Variants in MAGI1 observed in about 807,000 individuals in gnomAD.
The protein encoded by MAGI1 is membrane associated guanylate kinase, WW and PDZ domain containing 1, also known as membrane-associated guanylate kinase, WW and PDZ domain-containing protein 1.
In MAGI1, 58 loss-of-function variants were observed where a neutral mutation model predicts 139.9. The ratio of observed to expected loss-of-function variants is 0.41; its 90% CI spans 0.34 to 0.52. MAGI1 has a LOEUF of 0.52. Ranked by LOEUF, MAGI1 falls within the 20% of genes least tolerant of loss-of-function variation. MAGI1 has a pLI of 0.12. For missense variants in MAGI1, 1,874 were observed against 1,901.6 expected (o/e 0.99, Z 0.27); for synonymous variants, 812 against 737.9 (o/e 1.10, Z -1.63).
intron 2 of MAGI1, among the ~76,000 whole-genome samples, chr3:65,606,542 G>A (rs1017668171): frequency 4.6e-5 from 7 of 151,816 alleles, no homozygotes; most frequent in African/African-American, 1.5e-4. Context: ...TTTTGAGATC[G>A]AATCTTGCTC....
At chr3:65,542,042 C>G (rs888308621) in intron 2 of MAGI1, among the ~76,000 whole-genome samples, 4 of 152,198 alleles carry the variant, frequency 2.6e-5, no homozygotes, top group Non-Finnish European at 5.9e-5. Context: ...AGCCCAAAAT[C>G]TCCTTAAGCT....
At chr3:65,561,170 C>T (rs1317875802) in intron 2 of MAGI1, among the ~76,000 whole-genome samples, 1 of 152,170 alleles carries the variant, frequency 6.6e-6, no homozygotes, top group African/African-American at 2.4e-5. Context: ...GCTAGGAAAA[C>T]TTGGAAATGT....
Position 65,688,090 on chromosome 3 carries a change from T to C in MAGI1, c.314-66002A>G. 5.2e-6 allele frequency: 4 copies of C among 762,492 alleles called. No homozygotes were observed. The South Asian group carries it at 5.4e-5, about 10-fold the overall frequency. 47.2% of individuals were successfully genotyped at this position (762,492 alleles called of 1,614,324 possible). A position where few individuals can be genotyped will look rare whatever the true frequency, so the allele number is the denominator to read the frequency against. ...AACCCCAACAGACAGCCTTTGGCCC[T>C]GAACACTGCACATAGGTGTTGCTTG... On this transcript the variant is annotated intron_variant, in intron 1 of 22. Coordinates refer to ENST00000402939, the MANE Select transcript of MAGI1 (RefSeq NM_001033057.2).
chr3:65,973,237 C>T (rs1035227817), intron 1 of MAGI1, among the ~76,000 whole-genome samples: 1 of 152,174 alleles, frequency 6.6e-6, no homozygotes, highest in Non-Finnish European at 1.5e-5. Flanking sequence ...CCCCTATTCT[C>T]ACTCATCTCA....
Position 65,979,088 on chromosome 3 carries a change from T to TCCTC in MAGI1, c.313+58907_313+58908insGAGG, listed in dbSNP as rs1553742242. The stretch of plus-strand genomic sequence containing the variant: ...AACAGCCAAAGTTTTTTTCTTTTCT[T>TCCTC]CCCCCCCCCCGCCACCCCCCACAGC... On this transcript the variant is annotated intron_variant, in intron 1 of 22. Transcript: ENST00000402939. Among the ~76,000 whole-genome samples, 29 of 52,988 alleles carry TCCTC rather than the reference T, an allele frequency of 5.5e-4. 1 individual carries two copies. Among genetic ancestry groups the TCCTC allele is most frequent in the East Asian group, 2.0e-3 (3 of 1,494 alleles). The allele number at this position is 52,988 out of a possible 152,430, so 34.8% of individuals were successfully genotyped here. A position where few individuals can be genotyped will look rare whatever the true frequency, so the allele number is the denominator to read the frequency against.
intron 1 of MAGI1, among the ~76,000 whole-genome samples, chr3:65,803,007 G>T (rs766188130): frequency 3.9e-5 from 6 of 152,036 alleles, no homozygotes; most frequent in Admixed American, 2.6e-4. Context: ...AAGAGAGAGA[G>T]AGGACATTAC....
chr3:65,670,532 T>C (rs1442988744), intron 1 of MAGI1, among the ~76,000 whole-genome samples: 2 of 152,182 alleles, frequency 1.3e-5, no homozygotes, highest in African/African-American at 2.4e-5. Context: ...ACCATCAATA[T>C]GTCTGACATA....
intron 1 of MAGI1, among the ~76,000 whole-genome samples, chr3:65,710,763 A>G (rs1349232023): frequency 6.6e-6 from 1 of 152,226 alleles, no homozygotes; most frequent in Non-Finnish European, 1.5e-5. Context: ...AGGTAGAAGC[A>G]AAACTTGAAC....
intron 1 of MAGI1, among the ~76,000 whole-genome samples, chr3:65,825,527 G>C (rs1293178506): frequency 6.6e-6 from 1 of 152,094 alleles, no homozygotes; most frequent in South Asian, 2.1e-4. Flanking sequence ...AGAGTCAGTA[G>C]TTAAATACTT....
At position 65,363,427 on chromosome 3, in the gene MAGI1, T is replaced by C. The variant is rs377528703; in HGVS notation, c.3495+38A>G. The C allele has an allele frequency of 3.1e-5, 49 of 1,563,688 alleles. No individual in the cohort carries two copies. The Middle Eastern group carries it at 6.9e-4, about 22-fold the overall frequency. ...TATGACAAGAATTCACTGCAGATGG[T>C]TTCTTTGCACCTACCCCAGACTCCT... On this transcript the variant is annotated intron_variant, in intron 21 of 22. Coordinates refer to ENST00000402939, the MANE Select transcript of MAGI1 (RefSeq NM_001033057.2).
intron 1 of MAGI1, among the ~76,000 whole-genome samples, chr3:65,665,817 C>T (rs1240418239): frequency 6.6e-6 from 1 of 152,128 alleles, no homozygotes; most frequent in African/African-American, 2.4e-5. Context: ...GGCTCCTCAT[C>T]CACAGACCCA....
intron 1 of MAGI1, among the ~76,000 whole-genome samples, chr3:65,882,632 C>T (rs766398722): frequency 8.5e-5 from 13 of 152,090 alleles, no homozygotes; most frequent in East Asian, 3.9e-4. Context: ...AAAATGTGCA[C>T]GCCAAAAATG....
At chr3:65,787,623 C>T (rs150762130) in intron 1 of MAGI1, among the ~76,000 whole-genome samples, 2 of 150,514 alleles carry the variant, frequency 1.3e-5, no homozygotes, top group East Asian at 3.9e-4. Flanking sequence ...GGGACTGCAC[C>T]GCCTGGTAGG....
chr3:65,806,314 A>G (rs1036829095), intron 1 of MAGI1, among the ~76,000 whole-genome samples: 2 of 152,018 alleles, frequency 1.3e-5, no homozygotes, highest in South Asian at 4.1e-4. Flanking sequence ...CTGTGGTCCC[A>G]GCTACTCGGG....
At chr3:65,358,196 T>C (rs987818581) in intron 22 of MAGI1, among the ~76,000 whole-genome samples, 3 of 152,112 alleles carry the variant, frequency 2.0e-5, no homozygotes, top group African/African-American at 7.2e-5. Flanking sequence ...GTGCAAATGT[T>C]TTAGGCAGTG....
At chr3:65,571,941 C>T (rs1319262518) in intron 2 of MAGI1, among the ~76,000 whole-genome samples, 2 of 151,930 alleles carry the variant, frequency 1.3e-5, no homozygotes, top group Admixed American at 6.6e-5. Flanking sequence ...TACCCAACCT[C>T]ATAACAGATT....
At chr3:65,696,572 A>G (rs1447293793) in intron 1 of MAGI1, among the ~76,000 whole-genome samples, 1 of 152,202 alleles carries the variant, frequency 6.6e-6, no homozygotes, top group Non-Finnish European at 1.5e-5. Context: ...ATTTTCATCT[A>G]AAGAATAGCT....
At chr3:65,553,061 G>T (rs1235710364) in intron 2 of MAGI1, among the ~76,000 whole-genome samples, 1 of 150,086 alleles carries the variant, frequency 6.7e-6, no homozygotes, top group South Asian at 2.1e-4. Flanking sequence ...ATACTCAGAT[G>T]AAAAAGAAAA....
intron 1 of MAGI1, among the ~76,000 whole-genome samples, chr3:65,963,809 G>T (rs975815359): frequency 6.6e-6 from 1 of 152,158 alleles, no homozygotes. Flanking sequence ...TTTGCTTGTT[G>T]TATACATTTA....
Sources: allele counts gnomAD v4.1 joint callset (sites outside exome capture counted in the v4.1 genomes callset), GRCh38; gene constraint gnomAD v4.1.1; transcripts MANE v1.5; gene names NCBI Gene and HGNC (gene_info 2026-07-23, HGNC 2026-07-21).